Variants in CYTH1 observed in about 807,000 individuals in gnomAD.
The protein encoded by CYTH1 is cytohesin 1.
In CYTH1, 18 loss-of-function variants were observed where a neutral mutation model predicts 61.8. The observed-to-expected ratio is 0.29, with a 90% CI of 0.20 to 0.43. CYTH1 has a LOEUF of 0.43. CYTH1 is among the 20% of genes least tolerant of loss of function. CYTH1 has a pLI of 1.00. For synonymous variants in CYTH1, 174 were observed against 184.3 expected (o/e 0.94, Z 0.45); for missense variants, 336 against 510.5 (o/e 0.66, Z 3.29).
Position 78,674,335 on chromosome 17 carries a change from C to T in CYTH1, c.*1756G>A, listed in dbSNP as rs561214281. 6.6e-6 allele frequency: 1 copy of T among 152,470 alleles called. No individual in the cohort carries two copies. Among genetic ancestry groups the T allele is most frequent in the Non-Finnish European group, 1.5e-5 (1 of 68,050 alleles). The allele number at this position is 152,470 out of a possible 1,614,324, so 9.4% of individuals were successfully genotyped here. ...AAACACTTGAGAACCAGGCCAGGGCCCGGGCCAGCTGGACAGGCTCCAGCA... is the reference window on the plus strand; with the variant it reads ...AAACACTTGAGAACCAGGCCAGGGCTCGGGCCAGCTGGACAGGCTCCAGCA... On this transcript the variant is annotated 3_prime_UTR_variant, in exon 14 of 14. Coordinates refer to ENST00000446868, the MANE Select transcript of CYTH1 (RefSeq NM_004762.6).
chr17:78,696,124 G>T, intron 9 of CYTH1, 115 bp from the exon 10 acceptor site: 1 of 1,310,514 alleles, frequency 7.6e-7, no homozygotes, highest in East Asian at 4.9e-5. Context: ...AAAGTGCAAT[G>T]TATCAGTCAC....
intron 2 of CYTH1, among the ~76,000 whole-genome samples, chr17:78,708,745 C>T (rs369513710): frequency 5.3e-5 from 8 of 152,218 alleles, no homozygotes; most frequent in South Asian, 2.1e-4. Flanking sequence ...GCTGTGCATC[C>T]GCACCCACCC....
chr17:78,695,303 C>G (rs776072586), intron 10 of CYTH1, among the ~76,000 whole-genome samples: 3 of 152,126 alleles, frequency 2.0e-5, no homozygotes, highest in African/African-American at 2.4e-5. Flanking sequence ...ACAACAGAGC[C>G]GAGGCTGTTA....
At chr17:78,782,147 C>A in intron 1 of CYTH1, 55 bp downstream of exon 1, 1 of 1,278,436 alleles carries the variant, frequency 7.8e-7, no homozygotes, top group South Asian at 2.2e-5. Context: ...CGGCCGGGCC[C>A]GGAGGGGACT....
chr17:78,724,656 A>G (rs1198404307), intron 1 of CYTH1, among the ~76,000 whole-genome samples: 1 of 152,206 alleles, frequency 6.6e-6, no homozygotes, highest in Non-Finnish European at 1.5e-5. Flanking sequence ...ATTGCTCTAG[A>G]TAAACAATGG....
At chr17:78,757,401 AC>A (rs1296067503) in intron 1 of CYTH1, among the ~76,000 whole-genome samples, 2 of 152,166 alleles carry the variant, frequency 1.3e-5, no homozygotes, top group Admixed American at 1.3e-4. Flanking sequence ...AATGTAAGGT[AC>A]CTGAGAACTC....
intron 1 of CYTH1, among the ~76,000 whole-genome samples, chr17:78,774,055 GTTTGT>G (rs770416095): frequency 3.3e-5 from 5 of 150,722 alleles, no homozygotes; most frequent in Non-Finnish European, 7.4e-5. Context: ...TTGTTTGCTT[GTTTGT>G]TTTAAAAAAA....
chr17:78,763,475 CG>C (rs1181580238), intron 1 of CYTH1, among the ~76,000 whole-genome samples: 2 of 152,212 alleles, frequency 1.3e-5, no homozygotes, highest in Non-Finnish European at 2.9e-5. Context: ...AGACCCCCCA[CG>C]GATGCCTAGA....
Position 78,717,881 on chromosome 17 carries a change from C to T in CYTH1, c.23-8149G>A, listed in dbSNP as rs2093195405. Reference sequence around the variant, plus strand: ...GTCATCCAGCTGGCACCAGACCCCTCTGCCTAGCTTTCAAATACATCACTT... The same window carrying T: ...GTCATCCAGCTGGCACCAGACCCCTTTGCCTAGCTTTCAAATACATCACTT... On this transcript the variant is annotated intron_variant, in intron 1 of 13. Coordinates refer to ENST00000446868, the MANE Select transcript of CYTH1 (RefSeq NM_004762.6). The surrounding 1 kb of genome is among the most constrained non-coding windows in gnomAD (Gnocchi z 4.4). Among the ~76,000 whole-genome samples, 3 of 152,190 alleles carry T rather than the reference C, an allele frequency of 2.0e-5. No homozygotes were observed. Among genetic ancestry groups the T allele is most frequent in the Non-Finnish European group, 4.4e-5 (3 of 68,034 alleles).
chr17:78,742,549 G>T (rs964504411), intron 1 of CYTH1, among the ~76,000 whole-genome samples: 2 of 151,988 alleles, frequency 1.3e-5, no homozygotes, highest in Non-Finnish European at 2.9e-5. Context: ...GCAAGAGTGA[G>T]ACCCTGTCTC....
At position 78,763,072 on chromosome 17, in the gene CYTH1, G is replaced by A. The variant is rs551795385; in HGVS notation, c.22+19130C>T. Among the ~76,000 whole-genome samples, 13 of 152,222 alleles carry A rather than the reference G, an allele frequency of 8.5e-5. No individual in the cohort carries two copies. In the South Asian group the frequency reaches 1.0e-3, roughly 12 times the overall value. ...CAAAAAAAGACTTTTGGCCAGGCACGGTGGCTCACGCCTGTAATCCCAGCA... is the reference window on the plus strand; with the variant it reads ...CAAAAAAAGACTTTTGGCCAGGCACAGTGGCTCACGCCTGTAATCCCAGCA... On this transcript the variant is annotated intron_variant, in intron 1 of 13. Transcript: ENST00000446868.
intron 9 of CYTH1, 84 bp from the exon 10 acceptor site, chr17:78,696,093 T>C: frequency 4.4e-6 from 6 of 1,357,876 alleles, no homozygotes; most frequent in Non-Finnish European, 5.9e-6. Flanking sequence ...ACAAAGAAAT[T>C]AAACCCGATT....
chr17:78,686,366 C>A (rs2092816515), intron 11 of CYTH1, among the ~76,000 whole-genome samples: 1 of 152,172 alleles, frequency 6.6e-6, no homozygotes, highest in Non-Finnish European at 1.5e-5. Context: ...TGGGTTCTCA[C>A]TTGTTTGAAG....
chr17:78,742,604 G>A (rs977279007), intron 1 of CYTH1, among the ~76,000 whole-genome samples: 1 of 152,156 alleles, frequency 6.6e-6, no homozygotes, highest in African/African-American at 2.4e-5. Context: ...TGTAATTCCA[G>A]CACTTTGGGA....
intron 1 of CYTH1, among the ~76,000 whole-genome samples, chr17:78,714,539 T>TCA (rs370152043): frequency 5.4e-4 from 82 of 151,974 alleles, no homozygotes; most frequent in Admixed American, 2.4e-3. Flanking sequence ...ACTAAGGATT[T>TCA]CACACACACA....
At chr17:78,769,585 GAC>G (rs1486787226) in intron 1 of CYTH1, among the ~76,000 whole-genome samples, 1 of 152,092 alleles carries the variant, frequency 6.6e-6, no homozygotes, top group African/African-American at 2.4e-5. Flanking sequence ...CATCTACTGT[GAC>G]ACGCTCCTTC....
chr17:78,751,079 A>T (rs1286414785), intron 1 of CYTH1, among the ~76,000 whole-genome samples: 2 of 151,584 alleles, frequency 1.3e-5, no homozygotes, highest in Non-Finnish European at 2.9e-5. Context: ...TACCTCCCAG[A>T]CTCAAGCAAT....
intron 12 of CYTH1, among the ~76,000 whole-genome samples, 156 bp downstream of exon 12, chr17:78,680,815 C>T (rs184217183): frequency 5.0e-4 from 76 of 152,260 alleles, no homozygotes; most frequent in African/African-American, 1.4e-3. Flanking sequence ...GAAGTGATTT[C>T]GAGTCTCATC....
chr17:78,718,218 T>TACACACACACACACACACACACACAC (rs55803104), intron 1 of CYTH1, among the ~76,000 whole-genome samples: 1 of 128,336 alleles, frequency 7.8e-6, no homozygotes, highest in African/African-American at 3.1e-5. Flanking sequence ...AAACACTGAA[T>TACACACACACACACACACACACACAC]ACACACACAC....
Sources: gnomAD v4.1 joint callset for allele counts (sites outside exome capture counted in the v4.1 genomes callset) on GRCh38, gnomAD v4.1.1 for gene constraint, Gnocchi (gnomAD v3.1) non-coding constraint, MANE v1.5 for transcripts, NCBI Gene and HGNC (gene_info 2026-07-23, HGNC 2026-07-21) for gene names.